The following CBFB variants were observed in gnomAD, a reference collection of about 807,000 sequenced individuals.
CBFB encodes the protein core-binding factor subunit beta.
A neutral mutation model predicts 30.4 loss-of-function variants in CBFB; 9 were observed. The observed-to-expected ratio is 0.30, with a 90% CI of 0.18 to 0.52. The LOEUF (loss-of-function observed/expected upper bound fraction) is 0.52, where lower values mean the gene tolerates loss of function less well. CBFB is among the 20% of genes least tolerant of loss of function. The pLI is 0.97. For synonymous variants in CBFB, 94 were observed against 84.0 expected (o/e 1.12, Z -0.65); for missense variants, 170 against 244.0 (o/e 0.70, Z 2.02).
chr16:67,032,767 C>T (rs1418302303), intron 2 of CBFB, among the ~76,000 whole-genome samples: 16 of 152,204 alleles, frequency 1.1e-4, no homozygotes, highest in Non-Finnish European at 4.4e-5. Context: ...CATTATTTTG[C>T]CTGTTTTGAC....
chr16:67,079,944 C>T (rs531308681), intron 4 of CBFB, among the ~76,000 whole-genome samples: 3 of 152,188 alleles, frequency 2.0e-5, no homozygotes, highest in African/African-American at 7.2e-5. Context: ...GTCAGGAGTT[C>T]GAGACCAGCC....
intron 3 of CBFB, among the ~76,000 whole-genome samples, chr16:67,063,717 C>T (rs998493875): frequency 6.6e-6 from 1 of 152,268 alleles, no homozygotes; most frequent in Non-Finnish European, 1.5e-5. Flanking sequence ...CAGGCATGAG[C>T]TGCTGCGGCC....
At chr16:67,069,591 C>A (rs924499094) in intron 4 of CBFB, among the ~76,000 whole-genome samples, 1 of 152,102 alleles carries the variant, frequency 6.6e-6, no homozygotes, top group Non-Finnish European at 1.5e-5. Context: ...AAAACTCTCA[C>A]GTTTGATGAA....
rs544194310 is a variant in CBFB, at chr16:67,077,354, T to TTTGCA, written c.400-4858_400-4854dup. Among the ~76,000 whole-genome samples the TTTGCA allele has an allele frequency of 5.3e-5, 8 of 152,368 alleles. No individual in the cohort carries two copies. The South Asian group carries it at 1.7e-3, about 32-fold the overall frequency. ...CTGCTGTAAAATTAGTGTCTTTTTG[T>TTTGCA]TTGCAAGGTTTTTCTGTTCATGAAG... On this transcript the variant is annotated intron_variant, in intron 4 of 5. Coordinates refer to ENST00000412916, the MANE Select transcript of CBFB (RefSeq NM_022845.3).
At chr16:67,051,995 T>G (rs1960567319) in intron 3 of CBFB, among the ~76,000 whole-genome samples, 1 of 151,970 alleles carries the variant, frequency 6.6e-6, no homozygotes, top group African/African-American at 2.4e-5. Flanking sequence ...TGAGACAAGT[T>G]CTGGCTCTGT....
At chr16:67,079,500 T>C (rs558030658) in intron 4 of CBFB, among the ~76,000 whole-genome samples, 13 of 146,506 alleles carry the variant, frequency 8.9e-5, no homozygotes, top group Non-Finnish European at 1.6e-4. Context: ...AATTATGTTA[T>C]CAGAGGCCCT....
intron 3 of CBFB, among the ~76,000 whole-genome samples, chr16:67,044,694 G>A (rs952991924): frequency 1.3e-5 from 2 of 152,036 alleles, no homozygotes; most frequent in African/African-American, 4.8e-5. Flanking sequence ...TACCATTTAC[G>A]CACTTGCCTG....
At chr16:67,068,268 C>T (rs990162840) in intron 4 of CBFB, among the ~76,000 whole-genome samples, 29 of 152,094 alleles carry the variant, frequency 1.9e-4, no homozygotes, top group Non-Finnish European at 3.5e-4. Flanking sequence ...CACATGAGCC[C>T]AAGAGTTAAA....
In CBFB at chr16:67,099,987, C is replaced by T. The variant is rs1962171363; in HGVS notation, c.*1209C>T. The T allele has an allele frequency of 4.8e-6, 1 of 208,096 alleles. No homozygotes were observed. Among genetic ancestry groups the T allele is most frequent in the African/African-American group, 2.3e-5 (1 of 43,902 alleles). 12.9% of individuals were successfully genotyped at this position (208,096 alleles called of 1,614,324 possible). ...TCACAGTTATATATATGGTATTTTG[C>T]AAAAGGACTATTAATAGAACCTTTT... On this transcript the variant is annotated 3_prime_UTR_variant, in exon 6 of 6. Transcript: ENST00000412916.
At position 67,100,866 on chromosome 16, in the gene CBFB, A is replaced by G. The variant is rs552838010; in HGVS notation, c.*2088A>G. The G allele has an allele frequency of 4.9e-6, 1 of 203,276 alleles. No homozygotes were observed. The highest frequency in any genetic ancestry group is 2.3e-5 in the African/African-American group (1 of 43,844). The allele number at this position is 203,276 out of a possible 1,614,324, so 12.6% of individuals were successfully genotyped here. ...AGTACAGGCTTTGAAAACTACTTCT[A>G]TTAAGTTATTGATGCAATTTGATAT... On this transcript the variant is annotated 3_prime_UTR_variant, in exon 6 of 6. Transcript: ENST00000412916.
chr16:67,034,015 AG>A (rs1567603123), intron 2 of CBFB, among the ~76,000 whole-genome samples: 1 of 151,782 alleles, frequency 6.6e-6, no homozygotes, highest in Admixed American at 6.6e-5. Flanking sequence ...TTTTTAGTAG[AG>A]GTGGGGTTTC....
chr16:67,070,776 A>T (rs1328460081), intron 4 of CBFB, among the ~76,000 whole-genome samples: 1 of 151,000 alleles, frequency 6.6e-6, no homozygotes. Context: ...GCTTGAACCC[A>T]GGAGGCTGAG....
At chr16:67,060,069 G>A (rs550205380) in intron 3 of CBFB, among the ~76,000 whole-genome samples, 2 of 151,620 alleles carry the variant, frequency 1.3e-5, no homozygotes, top group African/African-American at 4.8e-5. Context: ...CGACCTCCTG[G>A]GCTTAGGTGA....
intron 5 of CBFB, among the ~76,000 whole-genome samples, chr16:67,090,761 AGAATGGGTAAAT>A (rs1961858686): frequency 6.6e-6 from 1 of 152,222 alleles, no homozygotes; most frequent in African/African-American, 2.4e-5. Context: ...TTAATGTCAG[AGAATGGGTAAAT>A]TATTGTTTAT....
At chr16:67,069,739 G>A (rs763653735) in intron 4 of CBFB, among the ~76,000 whole-genome samples, 4 of 152,176 alleles carry the variant, frequency 2.6e-5, no homozygotes, top group Non-Finnish European at 4.4e-5. Flanking sequence ...CCTCACACGC[G>A]AAGGAACCAC....
intron 3 of CBFB, among the ~76,000 whole-genome samples, chr16:67,063,237 T>G (rs965212456): frequency 6.6e-6 from 1 of 152,164 alleles, no homozygotes; most frequent in Non-Finnish European, 1.5e-5. Context: ...GAAGGAAATG[T>G]GTGGTTAAAC....
chr16:67,038,793 G>T (rs984580100), intron 3 of CBFB, among the ~76,000 whole-genome samples: 9 of 150,940 alleles, frequency 6.0e-5, no homozygotes, highest in Non-Finnish European at 1.3e-4. Flanking sequence ...AAAAAAATTT[G>T]TTTTTTGTCA....
chr16:67,031,859 A>G (rs868014825), intron 2 of CBFB, among the ~76,000 whole-genome samples: 17 of 151,268 alleles, frequency 1.1e-4, no homozygotes, highest in Middle Eastern at 3.4e-3. Flanking sequence ...TGTGTGGCCT[A>G]GGCTGGGGTG....
At chr16:67,080,045 TCA>T (rs1961511632) in intron 4 of CBFB, among the ~76,000 whole-genome samples, 1 of 152,140 alleles carries the variant, frequency 6.6e-6, no homozygotes, top group East Asian at 1.9e-4. Context: ...TGAGCAGAGA[TCA>T]CACTGCTGTA....
Sources: allele counts gnomAD v4.1 joint callset (sites outside exome capture counted in the v4.1 genomes callset), GRCh38; gene constraint gnomAD v4.1.1; transcripts MANE v1.5; gene names NCBI Gene and HGNC (gene_info 2026-07-23, HGNC 2026-07-21).